The following CAST variants were observed in gnomAD, a reference collection of about 807,000 sequenced individuals.
CAST encodes calpastatin.
Under a neutral mutation model 119.6 loss-of-function variants are expected in CAST, and 76 were observed. That is an observed-to-expected ratio of 0.64 (90% confidence interval 0.53 to 0.77). The LOEUF (loss-of-function observed/expected upper bound fraction) is 0.77, where lower values mean the gene tolerates loss of function less well. Among genes scored for constraint, CAST ranks in the 30% least tolerant of loss-of-function variants. The probability of loss-of-function intolerance (pLI) is 0.00; values close to 1 mark genes in which losing one functional copy is unlikely to be tolerated. For missense variants in CAST, 953 were observed against 946.5 expected (o/e 1.01, Z -0.09); for synonymous variants, 319 against 331.6 (o/e 0.96, Z 0.41).
At chr5:96,417,698 G>A in the CAST span, among the ~76,000 whole-genome samples, 62 of 152,272 alleles carry the variant, frequency 4.1e-4, 1 homozygote, top group African/African-American at 1.5e-3. Flanking sequence ...CATCACTTGG[G>A]TGAATATTTT....
the CAST span, among the ~76,000 whole-genome samples, chr5:96,477,297 C>T: frequency 2.9e-5 from 4 of 136,698 alleles, no homozygotes; most frequent in African/African-American, 5.9e-5. Flanking sequence ...GATATATGCA[C>T]GCACGCGTGC....
chr5:96,459,123 C>G, the CAST span, among the ~76,000 whole-genome samples: 2 of 151,996 alleles, frequency 1.3e-5, no homozygotes, highest in Admixed American at 6.6e-5. Flanking sequence ...ATCCTGGCTC[C>G]CAACACTGTC....
chr5:96,576,068 G>C (rs532040455), intron 1 of CAST, among the ~76,000 whole-genome samples: 2 of 152,264 alleles, frequency 1.3e-5, no homozygotes, highest in South Asian at 4.1e-4. Context: ...AGTCCCACAT[G>C]GTCATGGTGC....
chr5:95,964,129 C>A, the CAST span, among the ~76,000 whole-genome samples: 1 of 152,100 alleles, frequency 6.6e-6, no homozygotes, highest in Non-Finnish European at 1.5e-5. Context: ...CCCTTTTGAG[C>A]TTTTCAACTG....
chr5:96,728,041 C>T (rs920609506), intron 6 of CAST, among the ~76,000 whole-genome samples: 4 of 152,182 alleles, frequency 2.6e-5, no homozygotes, highest in Admixed American at 6.5e-5. Flanking sequence ...CTGTTACTTT[C>T]CTGACCCATG....
the CAST span, among the ~76,000 whole-genome samples, chr5:96,494,654 G>A: frequency 1.3e-5 from 2 of 152,142 alleles, no homozygotes; most frequent in Non-Finnish European, 1.5e-5. Context: ...ATAGAAGAGC[G>A]ATTCTTCAGG....
At chr5:96,452,640 T>TAAAAAAAAAAAAAAAAA in the CAST span, among the ~76,000 whole-genome samples, 1 of 90,140 alleles carries the variant, frequency 1.1e-5, no homozygotes, top group African/African-American at 5.1e-5. Flanking sequence ...TAAAGTATAA[T>TAAAAAAAAAAAAAAAAA]AAAAAAAAAA....
intron 1 of CAST, among the ~76,000 whole-genome samples, chr5:96,538,434 A>G (rs1745857394): frequency 6.6e-6 from 1 of 152,216 alleles, no homozygotes; most frequent in Non-Finnish European, 1.5e-5. Context: ...CCTTTTGGAA[A>G]TCAACTTGCT....
At position 96,668,304 on chromosome 5, in the gene CAST, T is replaced by C. The variant is rs150123269; in HGVS notation, c.75+5807T>C. Among the ~76,000 whole-genome samples the C allele has an allele frequency of 2.4e-3, 359 of 152,370 alleles. 8 individuals are homozygous for C. The highest frequency in any genetic ancestry group is 0.012 in the East Asian group (60 of 5,192). On this transcript the variant is annotated intron_variant, in intron 1 of 31. Coordinates refer to ENST00000675179, the MANE Select transcript of CAST (RefSeq NM_001750.7). ...TATCTCCTTGAGTGTTATACGAAGA[T>C]GTGAGAATAATATATAATACACAGT... is the stretch of plus-strand genomic sequence containing the variant.
the CAST span, among the ~76,000 whole-genome samples, chr5:96,405,819 A>G: frequency 6.6e-6 from 1 of 152,212 alleles, no homozygotes. Context: ...TGTTCAGCAG[A>G]TGGATATTTC....
intron 1 of CAST, among the ~76,000 whole-genome samples, chr5:96,601,704 T>C (rs888616385): frequency 6.6e-6 from 1 of 152,194 alleles, no homozygotes; most frequent in Non-Finnish European, 1.5e-5. Flanking sequence ...TACATTTCCT[T>C]TGTGCATCTG....
chr5:96,320,752 CTATT>C, the CAST span, among the ~76,000 whole-genome samples: 11 of 152,096 alleles, frequency 7.2e-5, no homozygotes, highest in Non-Finnish European at 1.2e-4. Flanking sequence ...CCCTGAAAAA[CTATT>C]TAACCTCATA....
At chr5:96,170,380 T>G in the CAST span, among the ~76,000 whole-genome samples, 1 of 152,212 alleles carries the variant, frequency 6.6e-6, no homozygotes, top group Non-Finnish European at 1.5e-5. Context: ...CCCTGGCAGC[T>G]GTGGTTCAGG....
chr5:96,743,058 G>T (rs1311896540), intron 16 of CAST, among the ~76,000 whole-genome samples: 2 of 152,152 alleles, frequency 1.3e-5, no homozygotes, highest in East Asian at 1.9e-4. Flanking sequence ...AGTGAAGTTT[G>T]GCAATTGGAA....
chr5:96,605,673 G>T, intron 1 of CAST, among the ~76,000 whole-genome samples: 1 of 151,768 alleles, frequency 6.6e-6, no homozygotes, highest in Non-Finnish European at 1.5e-5. Context: ...CTGGAGTGTG[G>T]TAAGTCCAAA....
At position 96,564,033 on chromosome 5, in the gene CAST, T is replaced by A. The variant is rs1746428491; in HGVS notation, c.60+34153T>A. Among the ~76,000 whole-genome samples the A allele has an allele frequency of 1.3e-5, 2 of 152,200 alleles. 1 individual carries two copies. The highest frequency in any genetic ancestry group is 4.1e-4 in the South Asian group (2 of 4,832). ...GGACATTCCCAGGCCATTATAAATATCATTTTGGCTGCATGATGAGGTCCT... is the reference window on the plus strand; with the variant it reads ...GGACATTCCCAGGCCATTATAAATAACATTTTGGCTGCATGATGAGGTCCT... On this transcript the variant is annotated intron_variant, in intron 1 of 11. Transcript: ENST00000505143.
intron 1 of CAST, among the ~76,000 whole-genome samples, chr5:96,551,475 TAA>T (rs1054202735): frequency 1.3e-5 from 2 of 152,266 alleles, no homozygotes; most frequent in African/African-American, 4.8e-5. Context: ...TGCCAAATTG[TAA>T]AGACCATCGA....
rs766672587 is a variant in CAST at position 96,754,150 on chromosome 5, G to A, written c.1615G>A (p.Asp539Asn). ...TCCAGAAGATGGAAAACCTGTGATG[G>A]ATAAAGTCAAGGTAATGGCAACTGA... ...ADPEDGKPVM[D>N]KVKEKAKEED... Residue 539 changes from aspartate (D) to asparagine (N), a missense_variant, in exon 21 of 32, where the codon GAT becomes AAT. By Grantham distance (23) the Asp-to-Asn change is conservative. Transcript: ENST00000675179. 1 of 1,605,450 alleles carries A rather than the reference G, an allele frequency of 6.2e-7. No individual in the cohort carries two copies. Among genetic ancestry groups the A allele is most frequent in the South Asian group, 1.1e-5 (1 of 90,902 alleles).
chr5:96,587,146 A>G (rs537753920), intron 1 of CAST, among the ~76,000 whole-genome samples: 19 of 151,960 alleles, frequency 1.3e-4, no homozygotes, highest in Non-Finnish European at 2.4e-4. Context: ...AGAAAACAGA[A>G]CCCCTCATTT....
Sources: allele counts gnomAD v4.1 joint callset (sites outside exome capture counted in the v4.1 genomes callset), GRCh38; gene constraint gnomAD v4.1.1; transcripts MANE v1.5; gene names NCBI Gene and HGNC (gene_info 2026-07-23, HGNC 2026-07-21).